The following LINGO2 variants were observed in gnomAD, a reference collection of about 807,000 sequenced individuals.
LINGO2 encodes the protein leucine rich repeat and Ig domain containing 2.
In LINGO2, 14 loss-of-function variants were observed where a neutral mutation model predicts 30.6. The ratio of observed to expected loss-of-function variants is 0.46; its 90% CI spans 0.30 to 0.72. The LOEUF (loss-of-function observed/expected upper bound fraction) is 0.72, where lower values mean the gene tolerates loss of function less well. LINGO2 is among the 30% of genes least tolerant of loss of function. LINGO2 has a pLI of 0.07. For missense variants in LINGO2, 729 were observed against 751.7 expected (o/e 0.97, Z 0.35); for synonymous variants, 317 against 288.5 (o/e 1.10, Z -1.00).
the LINGO2 span, among the ~76,000 whole-genome samples, chr9:28,808,646 T>C: frequency 3.3e-5 from 5 of 152,216 alleles, no homozygotes; most frequent in Non-Finnish European, 7.3e-5. Flanking sequence ...AGGTGAAAGC[T>C]AAGTAATTTC....
At chr9:28,801,257 G>A in the LINGO2 span, among the ~76,000 whole-genome samples, 1 of 151,994 alleles carries the variant, frequency 6.6e-6, no homozygotes, top group Non-Finnish European at 1.5e-5. Flanking sequence ...GATAGGTGGG[G>A]GCAACCTGAC....
the LINGO2 span, among the ~76,000 whole-genome samples, chr9:28,872,210 T>A: frequency 1.3e-5 from 2 of 152,204 alleles, no homozygotes; most frequent in African/African-American, 4.8e-5. Context: ...GTTTTAATGA[T>A]TCCCAAAAAG....
At chr9:28,587,295 C>A (rs1824602165) in intron 1 of LINGO2, among the ~76,000 whole-genome samples, 1 of 152,018 alleles carries the variant, frequency 6.6e-6, no homozygotes, top group Non-Finnish European at 1.5e-5. Context: ...GGTACCATTC[C>A]TATGCCCTCA....
At chr9:28,236,994 G>A (rs1821590760) in intron 4 of LINGO2, among the ~76,000 whole-genome samples, 1 of 151,308 alleles carries the variant, frequency 6.6e-6, no homozygotes, top group Non-Finnish European at 1.5e-5. Flanking sequence ...GAATATCTCG[G>A]GTACCCCATA....
chr9:28,904,545 G>A, the LINGO2 span, among the ~76,000 whole-genome samples: 1 of 151,770 alleles, frequency 6.6e-6, no homozygotes. Context: ...AATCTGTACT[G>A]TTTTTATACA....
chr9:28,463,886 C>T (rs760582434), intron 2 of LINGO2, among the ~76,000 whole-genome samples: 39 of 152,182 alleles, frequency 2.6e-4, no homozygotes, highest in Non-Finnish European at 5.6e-4. Flanking sequence ...TTCACTCCTC[C>T]CTGTCACAAT....
In LINGO2 at chr9:27,999,436, C is replaced by CAGAGAGAGAGAGAG. The variant is rs36216761; in HGVS notation, c.-36+12905_-36+12918dup. Among the ~76,000 whole-genome samples the CAGAGAGAGAGAGAG allele has an allele frequency of 1.2e-3, 166 of 143,762 alleles. 1 individual carries two copies. Among genetic ancestry groups the CAGAGAGAGAGAGAG allele is most frequent in the South Asian group, 8.4e-3 (35 of 4,146 alleles). The allele number at this position is 143,762 out of a possible 152,430, so 94.3% of individuals were successfully genotyped here. A position where few individuals can be genotyped will look rare whatever the true frequency, so the allele number is the denominator to read the frequency against. Reference sequence around the variant, plus strand: ...CGACTTAATCACAGTGCCTAATCTTCAGAGAGAGAGAGAGAGAGAGAGAGA... The same window carrying CAGAGAGAGAGAGAG: ...CGACTTAATCACAGTGCCTAATCTTCAGAGAGAGAGAGAGAGAGAGAGAGAGAGAGAGAGAGAGA... On this transcript the variant is annotated intron_variant, in intron 5 of 5. Coordinates refer to ENST00000379992, the Ensembl canonical transcript of LINGO2.
At chr9:28,421,300 A>G (rs906758656) in intron 2 of LINGO2, among the ~76,000 whole-genome samples, 7 of 152,018 alleles carry the variant, frequency 4.6e-5, no homozygotes, top group Non-Finnish European at 7.4e-5. Context: ...CAATAAATGA[A>G]AAAACATTCT....
the LINGO2 span, among the ~76,000 whole-genome samples, chr9:28,790,794 T>A: frequency 1.3e-5 from 2 of 152,144 alleles, no homozygotes; most frequent in Non-Finnish European, 2.9e-5. Context: ...TGTTCCTAAT[T>A]TAAAATTTAA....
chr9:28,602,206 G>A (rs1322948812), intron 1 of LINGO2, among the ~76,000 whole-genome samples: 1 of 152,070 alleles, frequency 6.6e-6, no homozygotes, highest in Non-Finnish European at 1.5e-5. Context: ...CAAGGAATAT[G>A]GGCTGTTTTG....
At chr9:29,006,907 T>G in the LINGO2 span, among the ~76,000 whole-genome samples, 7 of 152,010 alleles carry the variant, frequency 4.6e-5, no homozygotes, top group Non-Finnish European at 7.4e-5. Flanking sequence ...ATTAGCTCTG[T>G]GAAATGGTAA....
intron 4 of LINGO2, among the ~76,000 whole-genome samples, chr9:28,286,758 A>T (rs1265895516): frequency 1.3e-5 from 2 of 152,162 alleles, no homozygotes; most frequent in Non-Finnish European, 2.9e-5. Context: ...GAGCTAAATA[A>T]TGAGAACAAA....
the LINGO2 span, among the ~76,000 whole-genome samples, chr9:28,982,322 A>T: frequency 6.6e-6 from 1 of 152,124 alleles, no homozygotes; most frequent in Non-Finnish European, 1.5e-5. Flanking sequence ...TAATTGAAAA[A>T]GTCTTTTGGC....
chr9:29,081,962 A>G, the LINGO2 span, among the ~76,000 whole-genome samples: 1 of 152,190 alleles, frequency 6.6e-6, no homozygotes, highest in Non-Finnish European at 1.5e-5. Flanking sequence ...TTCCATGCTC[A>G]TGGGTAGGAA....
At chr9:28,517,985 CA>C (rs1820690014) in intron 1 of LINGO2, among the ~76,000 whole-genome samples, 1 of 152,062 alleles carries the variant, frequency 6.6e-6, no homozygotes, top group Non-Finnish European at 1.5e-5. Context: ...AACGCAAAGC[CA>C]ATTGGATTCC....
chr9:27,980,953 T>C (rs1820825335), intron 5 of LINGO2, among the ~76,000 whole-genome samples: 1 of 151,910 alleles, frequency 6.6e-6, no homozygotes, highest in Non-Finnish European at 1.5e-5. Flanking sequence ...AACAGAAATT[T>C]AATGTATGAA....
chr9:29,130,106 A>T, the LINGO2 span, among the ~76,000 whole-genome samples: 12 of 152,134 alleles, frequency 7.9e-5, no homozygotes, highest in African/African-American at 2.2e-4. Context: ...AAGTAATTGT[A>T]AAAGAAATTC....
At chr9:28,874,662 T>G in the LINGO2 span, among the ~76,000 whole-genome samples, 2 of 152,064 alleles carry the variant, frequency 1.3e-5, no homozygotes, top group African/African-American at 4.8e-5. Flanking sequence ...GCCTTCAGGG[T>G]CCACGCTTTT....
At chr9:28,996,541 G>A in the LINGO2 span, among the ~76,000 whole-genome samples, 5 of 152,046 alleles carry the variant, frequency 3.3e-5, no homozygotes, top group Admixed American at 3.3e-4. Flanking sequence ...TCTGGGGCAG[G>A]GTCAGAGTAA....
Sources: allele counts gnomAD v4.1 joint callset (sites outside exome capture counted in the v4.1 genomes callset), GRCh38; gene constraint gnomAD v4.1.1; transcripts MANE v1.5; gene names NCBI Gene and HGNC (gene_info 2026-07-23, HGNC 2026-07-21).